The following ZC3H14 variants were observed in gnomAD, a reference collection of about 807,000 sequenced individuals.
ZC3H14 encodes zinc finger CCCH-type containing 14, also known as zinc finger CCCH domain-containing protein 14.
ZC3H14 carries 31 observed loss-of-function variants against 92.4 expected under a neutral mutation model. That is an observed-to-expected ratio of 0.34 (90% CI 0.25 to 0.45). The LOEUF (loss-of-function observed/expected upper bound fraction) is 0.45, where lower values mean the gene tolerates loss of function less well. Among genes scored for constraint, ZC3H14 ranks in the 20% least tolerant of loss-of-function variants. ZC3H14 has a pLI of 1.00. For synonymous variants in ZC3H14, 321 were observed against 300.9 expected (o/e 1.07, Z -0.69); for missense variants, 781 against 897.3 (o/e 0.87, Z 1.66).
In ZC3H14 at chr14:88,602,966, A is replaced by G; in HGVS notation, c.1653A>G (p.Ala551=). Residue 551 remains alanine, a synonymous_variant, in exon 12 of 17, where the codon GCA becomes GCG. Transcript: ENST00000251038. ...GAATGAAACCCGTAAACCAAACTGC[A>G]GCCTCAAACAAGGGACTCAGAGGTC... ...FEGMKPVNQT[A]ASNKGLRGLL... is the part of the protein sequence containing the mutation. 6.2e-7 allele frequency: 1 copy of G among 1,614,164 alleles called. No individual in the cohort carries two copies. The highest frequency in any genetic ancestry group is 1.1e-5 in the South Asian group (1 of 91,080).
intron 2 of ZC3H14, 200 bp from the exon 3 acceptor site, chr14:88,567,839 T>G (rs972817121): frequency 1.1e-4 from 72 of 626,382 alleles, no homozygotes; most frequent in Non-Finnish European, 1.8e-4. Flanking sequence ...TCAATTATTC[T>G]TAATTTCCAT....
chr14:88,597,700 C>G (rs1326788214), intron 10 of ZC3H14, among the ~76,000 whole-genome samples: 2 of 152,214 alleles, frequency 1.3e-5, no homozygotes, highest in African/African-American at 2.4e-5. Context: ...GGTGTTCAGA[C>G]ATTCTCTGCC....
Position 88,572,223 on chromosome 14 carries a change from C to A in ZC3H14, c.429C>A (p.Val143=). 2 of 1,614,042 alleles carry A rather than the reference C, an allele frequency of 1.2e-6. No individual in the cohort carries two copies. The highest frequency in any genetic ancestry group is 2.2e-5 in the South Asian group (2 of 91,052). The change falls in exon 5 of 17, where the codon GTC becomes GTA. Residue 143 remains valine, a splice_region_variant and synonymous_variant. Transcript: ENST00000251038. ...CGCAGGAGTCAAAAACCACAAATGT[C>A]AGGTAAGAGTCTGGTGTAGACCTGC... ...TSSQESKTTN[V]RQTYDDGAAT...
In ZC3H14 at chr14:88,621,800, T is replaced by A; in HGVS notation, c.*10049T>A. The A allele has an allele frequency of 2.5e-6, 1 of 403,846 alleles. No individual in the cohort carries two copies. 25.0% of individuals were successfully genotyped at this position (403,846 alleles called of 1,614,324 possible). On this transcript the variant is annotated 3_prime_UTR_variant, in exon 17 of 17. Coordinates refer to ENST00000251038, the MANE Select transcript of ZC3H14 (RefSeq NM_024824.5). Reference sequence around the variant, plus strand: ...GAATTTTTATTTTGAAATTGACACATAATTATACATATCTATAGGGCATAG... The same window carrying A: ...GAATTTTTATTTTGAAATTGACACAAAATTATACATATCTATAGGGCATAG...
intron 13 of ZC3H14, among the ~76,000 whole-genome samples, chr14:88,607,576 C>T (rs1304083439): frequency 6.9e-6 from 1 of 145,862 alleles, no homozygotes; most frequent in Non-Finnish European, 1.5e-5. Context: ...CCATCTCACC[C>T]TGCAAGTACC....
intron 16 of ZC3H14, 34 bp from the exon 17 acceptor site, chr14:88,611,711 A>ATAAT: frequency 6.2e-7 from 1 of 1,613,856 alleles, no homozygotes; most frequent in Non-Finnish European, 8.5e-7. Context: ...TACAAAGCAG[A>ATAAT]TAATTAAAAC....
intron 9 of ZC3H14, chr14:88,591,095 G>A (rs868793534): frequency 4.2e-4 from 64 of 152,100 alleles, no homozygotes; most frequent in African/African-American, 1.5e-3. Context: ...ACCAATATAT[G>A]TATTTTACTT....
chr14:88,592,543 C>T (rs969460706), intron 9 of ZC3H14: 1 of 128,232 alleles, frequency 7.8e-6, no homozygotes, highest in Non-Finnish European at 1.6e-5. Context: ...CTCTGTCACC[C>T]AGGCTGCAGT....
Position 88,627,522 on chromosome 14 carries a change from A to G in ZC3H14, c.*15771A>G. On this transcript the variant is annotated 3_prime_UTR_variant, in exon 17 of 17. Transcript: ENST00000251038. ...CCTACAGTACCACTGTGTACAGTATATTGCATAGGCCTCCACTGAATGATT... is the reference window on the plus strand; with the variant it reads ...CCTACAGTACCACTGTGTACAGTATGTTGCATAGGCCTCCACTGAATGATT... 1.1e-6 allele frequency: 1 copy of G among 926,474 alleles called. No homozygotes were observed. The highest frequency in any genetic ancestry group is 1.6e-6 in the Non-Finnish European group (1 of 632,410). 57.4% of individuals were successfully genotyped at this position (926,474 alleles called of 1,614,324 possible).
intron 9 of ZC3H14, among the ~76,000 whole-genome samples, chr14:88,581,760 T>C (rs1322213774): frequency 1.3e-5 from 2 of 152,160 alleles, no homozygotes; most frequent in African/African-American, 2.4e-5. Flanking sequence ...AATGGAATTA[T>C]TTGAGATTCA....
In ZC3H14 at chr14:88,616,394, G is replaced by C. The variant is rs1187479852; in HGVS notation, c.*4643G>C. The C allele has an allele frequency of 1.6e-5, 12 of 743,378 alleles. No individual in the cohort carries two copies. Among genetic ancestry groups the C allele is most frequent in the Middle Eastern group, 2.4e-4 (1 of 4,134 alleles). 46.0% of individuals were successfully genotyped at this position (743,378 alleles called of 1,614,324 possible). A position where few individuals can be genotyped will look rare whatever the true frequency, so the allele number is the denominator to read the frequency against. On this transcript the variant is annotated 3_prime_UTR_variant, in exon 17 of 17. Transcript: ENST00000251038. Reference sequence around the variant, plus strand: ...ATTAGAATGCTTTTCAGCATGAGTAGTGGATCTGCAAAACCAGGCTGTGTG... The same window carrying C: ...ATTAGAATGCTTTTCAGCATGAGTACTGGATCTGCAAAACCAGGCTGTGTG...
At position 88,618,009 on chromosome 14, in the gene ZC3H14, C is replaced by CT; in HGVS notation, c.*6260dup. 5.3e-6 allele frequency: 1 copy of CT among 189,096 alleles called. No individual in the cohort carries two copies. Among genetic ancestry groups the CT allele is most frequent in the Middle Eastern group, 1.2e-3 (1 of 814 alleles). 11.7% of individuals were successfully genotyped at this position (189,096 alleles called of 1,614,324 possible). A position where few individuals can be genotyped will look rare whatever the true frequency, so the allele number is the denominator to read the frequency against. On this transcript the variant is annotated 3_prime_UTR_variant, in exon 17 of 17. Transcript: ENST00000251038. The stretch of plus-strand genomic sequence containing the variant: ...TCTTTAAAGTTAAAACTTTGATTTC[C>CT]TTAAAAAAAAAACTTGATAAATCAT...
In ZC3H14 at chr14:88,618,998, A is replaced by G. The variant is rs2088303318; in HGVS notation, c.*7247A>G. 6.5e-6 allele frequency: 3 copies of G among 458,080 alleles called. No individual in the cohort carries two copies. Among genetic ancestry groups the G allele is most frequent in the Non-Finnish European group, 7.3e-6 (2 of 272,986 alleles). 28.4% of individuals were successfully genotyped at this position (458,080 alleles called of 1,614,324 possible). Reference sequence around the variant, plus strand: ...GGGTTACATGAAATAAGGAAGCTTTATATTTTACTTAAATTTTAAATATTT... The same window carrying G: ...GGGTTACATGAAATAAGGAAGCTTTGTATTTTACTTAAATTTTAAATATTT... On this transcript the variant is annotated 3_prime_UTR_variant, in exon 17 of 17. Transcript: ENST00000251038.
At chr14:88,564,573 C>G (rs751065094) in intron 2 of ZC3H14, among the ~76,000 whole-genome samples, 23 of 152,186 alleles carry the variant, frequency 1.5e-4, no homozygotes, top group Admixed American at 6.5e-4. Flanking sequence ...CATATTAATA[C>G]TAAGATGGTA....
chr14:88,567,092 T>A (rs2079749069), intron 2 of ZC3H14, among the ~76,000 whole-genome samples: 1 of 144,570 alleles, frequency 6.9e-6, no homozygotes, highest in Admixed American at 7.3e-5. Context: ...AGGAGGGTGT[T>A]TTTTGGCTTC....
At chr14:88,578,917 C>G (rs1050968266) in intron 9 of ZC3H14, among the ~76,000 whole-genome samples, 5 of 151,304 alleles carry the variant, frequency 3.3e-5, no homozygotes, top group African/African-American at 1.2e-4. Flanking sequence ...TCCTCATTAC[C>G]CAGAACTAAC....
At chr14:88,574,119 A>G (rs1044144083) in intron 6 of ZC3H14, among the ~76,000 whole-genome samples, 11 of 152,224 alleles carry the variant, frequency 7.2e-5, no homozygotes, top group Non-Finnish European at 1.0e-4. Context: ...TGAGCAACCA[A>G]TTAACTCTGT....
rs755150737 is a variant in ZC3H14 at position 88,612,186 on chromosome 14, A to G, written c.*435A>G. The G allele has an allele frequency of 2.0e-4, 34 of 167,398 alleles. No individual in the cohort carries two copies. Among genetic ancestry groups the G allele is most frequent in the Non-Finnish European group, 3.9e-4 (30 of 77,108 alleles). 10.4% of individuals were successfully genotyped at this position (167,398 alleles called of 1,614,324 possible). The stretch of plus-strand genomic sequence containing the variant: ...CTTTCACTTTTCCCAAAGATTATAT[A>G]ATGTTCATAATCCACCATGAAAACA... On this transcript the variant is annotated 3_prime_UTR_variant, in exon 17 of 17. Coordinates refer to ENST00000251038, the MANE Select transcript of ZC3H14 (RefSeq NM_024824.5).
chr14:88,604,474 A>G (rs970149162), intron 12 of ZC3H14, among the ~76,000 whole-genome samples: 2 of 152,026 alleles, frequency 1.3e-5, no homozygotes, highest in Non-Finnish European at 2.9e-5. Flanking sequence ...TGAAACTGCA[A>G]TTGCTTCTGG....
Sources: allele counts gnomAD v4.1 joint callset (sites outside exome capture counted in the v4.1 genomes callset), GRCh38; gene constraint gnomAD v4.1.1; transcripts MANE v1.5; gene names NCBI Gene and HGNC (gene_info 2026-07-23, HGNC 2026-07-21).